SCAND3: variants seen among roughly 807,000 people sequenced by gnomAD.
SCAND3 encodes SCAN domain containing 3.
the SCAND3 span, chr6:28,572,779 C>A: frequency 6.2e-7 from 1 of 1,613,588 alleles, no homozygotes; most frequent in Non-Finnish European, 8.5e-7. The surrounding 1 kb of genome is among the most constrained non-coding windows in gnomAD (Gnocchi z 4.1). Flanking sequence ...AGAGAATAAT[C>A]TTGAATTCAA....
chr6:28,595,815 A>T, the SCAND3 span, among the ~76,000 whole-genome samples: 1 of 152,224 alleles, frequency 6.6e-6, no homozygotes, highest in African/African-American at 2.4e-5. Flanking sequence ...CAACATAGGA[A>T]ACATCTGAAT....
At chr6:28,603,211 A>G in the SCAND3 span, among the ~76,000 whole-genome samples, 13 of 151,596 alleles carry the variant, frequency 8.6e-5, no homozygotes, top group Admixed American at 8.5e-4. Context: ...GCCCGCCTCA[A>G]CCTCCCAAAG....
the SCAND3 span, among the ~76,000 whole-genome samples, chr6:28,597,423 C>T: frequency 1.3e-5 from 2 of 152,202 alleles, no homozygotes; most frequent in African/African-American, 4.8e-5. Flanking sequence ...CACCTCGTCA[C>T]ATGCTAAGCG....
At chr6:28,604,409 G>A in the SCAND3 span, among the ~76,000 whole-genome samples, 3 of 151,966 alleles carry the variant, frequency 2.0e-5, no homozygotes, top group Non-Finnish European at 2.9e-5. Flanking sequence ...CTAAGGTCAG[G>A]AGTTCAAGAC....
At chr6:28,586,574 C>T in the SCAND3 span, 1 of 1,614,222 alleles carries the variant, frequency 6.2e-7, no homozygotes, top group Non-Finnish European at 8.5e-7. This position sits in a 1 kb window ranked among gnomAD's most constrained non-coding sequence, Gnocchi z 4.4. Flanking sequence ...GAGAGAGTTC[C>T]CTGGTATAAG....
chr6:28,585,604 A>C, the SCAND3 span, among the ~76,000 whole-genome samples: 1 of 152,248 alleles, frequency 6.6e-6, no homozygotes, highest in South Asian at 2.1e-4. Context: ...TTTGCATTCC[A>C]GAAACATGCG....
chr6:28,586,144 T>C, the SCAND3 span, among the ~76,000 whole-genome samples: 10 of 152,098 alleles, frequency 6.6e-5, no homozygotes, highest in African/African-American at 2.4e-4. This position sits in a 1 kb window ranked among gnomAD's most constrained non-coding sequence, Gnocchi z 4.4. Flanking sequence ...TGTTATCTCA[T>C]ATGCACGCAT....
the SCAND3 span, chr6:28,579,462 G>A: frequency 9.6e-6 from 15 of 1,558,682 alleles, no homozygotes; most frequent in Non-Finnish European, 1.2e-5. The surrounding 1 kb of genome is among the most constrained non-coding windows in gnomAD (Gnocchi z 4.5). Context: ...ACAAATAATT[G>A]TAGTTTGTCA....
the SCAND3 span, chr6:28,586,453 C>A: frequency 6.2e-7 from 1 of 1,614,198 alleles, no homozygotes; most frequent in Non-Finnish European, 8.5e-7. The surrounding 1 kb of genome is among the most constrained non-coding windows in gnomAD (Gnocchi z 4.4). Context: ...AGGATCTGCT[C>A]CTTGGTATGT....
the SCAND3 span, among the ~76,000 whole-genome samples, chr6:28,611,947 C>T: frequency 6.6e-6 from 1 of 152,110 alleles, no homozygotes; most frequent in Non-Finnish European, 1.5e-5. Context: ...TCTAAATTAA[C>T]CCTATGGACA....
chr6:28,599,577 TG>T, the SCAND3 span, among the ~76,000 whole-genome samples: 389 of 152,326 alleles, frequency 2.6e-3, no homozygotes, highest in African/African-American at 8.1e-3. Context: ...TCATGAGATA[TG>T]ATGGTTTTAA....
At chr6:28,615,172 C>G in the SCAND3 span, among the ~76,000 whole-genome samples, 2 of 152,214 alleles carry the variant, frequency 1.3e-5, no homozygotes, top group Non-Finnish European at 2.9e-5. Flanking sequence ...TGAACCAGTG[C>G]ATAAACACAA....
chr6:28,603,873 T>A, the SCAND3 span, among the ~76,000 whole-genome samples: 1 of 152,214 alleles, frequency 6.6e-6, no homozygotes, highest in Non-Finnish European at 1.5e-5. Flanking sequence ...CAGCTGGGAC[T>A]CGCTGCTCCT....
the SCAND3 span, chr6:28,575,035 A>G: frequency 6.8e-6 from 11 of 1,614,070 alleles, no homozygotes; most frequent in Non-Finnish European, 9.3e-6. The surrounding 1 kb of genome is among the most constrained non-coding windows in gnomAD (Gnocchi z 4.2). Context: ...AGTATTTTCT[A>G]ACTCTTTGTC....
the SCAND3 span, chr6:28,586,951 A>T: frequency 1.8e-6 from 1 of 558,372 alleles, no homozygotes; most frequent in Non-Finnish European, 3.1e-6. The surrounding 1 kb of genome is among the most constrained non-coding windows in gnomAD (Gnocchi z 4.4). Context: ...GACCAGAAAT[A>T]GTGAGCACAG....
the SCAND3 span, among the ~76,000 whole-genome samples, chr6:28,605,678 C>CA: frequency 0.64 from 76,658 of 119,568 alleles, 25,664 homozygotes; most frequent in Non-Finnish European, 0.77. Context: ...CTAAAAAATA[C>CA]AAAAAAAAAA....
the SCAND3 span, among the ~76,000 whole-genome samples, chr6:28,604,983 T>G: frequency 1.3e-5 from 2 of 152,336 alleles, no homozygotes; most frequent in South Asian, 4.1e-4. Context: ...GGTGACAAAT[T>G]TGACCCTGAA....
At chr6:28,574,710 A>G in the SCAND3 span, 3 of 1,614,020 alleles carry the variant, frequency 1.9e-6, no homozygotes, top group African/African-American at 4.0e-5. Flanking sequence ...AAGGTTTAAC[A>G]GGCAAACTTC....
the SCAND3 span, among the ~76,000 whole-genome samples, chr6:28,583,564 C>T: frequency 6.6e-6 from 1 of 152,190 alleles, no homozygotes; most frequent in Non-Finnish European, 1.5e-5. Context: ...TTATTTGACA[C>T]TGGCTTATAA....
Sources: gnomAD v4.1 joint callset for allele counts (sites outside exome capture counted in the v4.1 genomes callset) on GRCh38, gnomAD v4.1.1 for gene constraint, Gnocchi (gnomAD v3.1) non-coding constraint, MANE v1.5 for transcripts, NCBI Gene and HGNC (gene_info 2026-07-23, HGNC 2026-07-21) for gene names.